PDE5A: variants seen among roughly 807,000 people sequenced by gnomAD.
PDE5A encodes phosphodiesterase 5A, also known as cGMP-specific 3',5'-cyclic phosphodiesterase.
In PDE5A, 67 loss-of-function variants were observed where a neutral mutation model predicts 110.2. The observed-to-expected ratio is 0.61, with a 90% CI of 0.50 to 0.75. PDE5A has a LOEUF of 0.75. PDE5A is among the 30% of genes least tolerant of loss of function. PDE5A has a pLI of 0.00. For synonymous variants in PDE5A, 328 were observed against 351.2 expected, an observed-to-expected ratio of 0.93 and a Z score of 0.74; for missense variants, 862 against 1,045.1, an observed-to-expected ratio of 0.82 and a Z score of 2.42.
chr4:119,562,739 G>T, intron 6 of PDE5A, 94 bp downstream of exon 6: 1 of 1,024,748 alleles, frequency 9.8e-7, no homozygotes, highest in South Asian at 2.1e-5. Flanking sequence ...GTTTGAGAGA[G>T]GGTTCTAAGA....
At chr4:119,588,353 T>C (rs1560629319) in intron 3 of PDE5A, among the ~76,000 whole-genome samples, 1 of 151,930 alleles carries the variant, frequency 6.6e-6, no homozygotes, top group Non-Finnish European at 1.5e-5. Context: ...AATTTTTGTA[T>C]TTTTCGTAGA....
intron 11 of PDE5A, among the ~76,000 whole-genome samples, chr4:119,535,516 C>T (rs965114826): frequency 6.6e-6 from 1 of 152,092 alleles, no homozygotes; most frequent in Non-Finnish European, 1.5e-5. Flanking sequence ...TAAATAAGCA[C>T]TTATTATATT....
chr4:119,593,721 AATTAT>A (rs535194241), intron 3 of PDE5A, among the ~76,000 whole-genome samples: 2 of 152,306 alleles, frequency 1.3e-5, no homozygotes, highest in East Asian at 1.9e-4. Flanking sequence ...AAGCTGGGTA[AATTAT>A]ATTATATGTG....
chr4:119,503,851 T>TATGTC (rs561180382), intron 18 of PDE5A, among the ~76,000 whole-genome samples: 181 of 152,300 alleles, frequency 1.2e-3, no homozygotes, highest in Middle Eastern at 6.8e-3. Context: ...AAAGCCTTTG[T>TATGTC]ATGTCCAATT....
chr4:119,510,227 C>G (rs1725690593), intron 15 of PDE5A, among the ~76,000 whole-genome samples: 1 of 151,960 alleles, frequency 6.6e-6, no homozygotes, highest in African/African-American at 2.4e-5. Flanking sequence ...CCTAAAGTAA[C>G]TAGAGGGCTT....
At chr4:119,515,290 C>T (rs938076361) in intron 14 of PDE5A, among the ~76,000 whole-genome samples, 1 of 152,148 alleles carries the variant, frequency 6.6e-6, no homozygotes, top group African/African-American at 2.4e-5. Context: ...CCTTTTAAGT[C>T]TCTCACATCC....
intron 11 of PDE5A, among the ~76,000 whole-genome samples, chr4:119,527,624 A>C (rs1242303874): frequency 1.3e-5 from 2 of 152,198 alleles, no homozygotes; most frequent in African/African-American, 4.8e-5. Context: ...AGCAGGGAAT[A>C]AAGTATGTGG....
At chr4:119,625,453 T>C (rs536726500) in intron 1 of PDE5A, among the ~76,000 whole-genome samples, 5 of 152,306 alleles carry the variant, frequency 3.3e-5, no homozygotes, top group South Asian at 4.1e-4. Context: ...ATAACTACCA[T>C]TGAGTGTAGA....
intron 13 of PDE5A, chr4:119,519,528 G>T (rs1470945845): frequency 9.8e-5 from 16 of 163,192 alleles, no homozygotes; most frequent in Non-Finnish European, 1.8e-4. Context: ...GTGTCCTTAA[G>T]GAATGCAGAC....
At chr4:119,590,266 G>C (rs1177296666) in intron 3 of PDE5A, among the ~76,000 whole-genome samples, 1 of 152,134 alleles carries the variant, frequency 6.6e-6, no homozygotes, top group Non-Finnish European at 1.5e-5. Flanking sequence ...GTTTTCACAA[G>C]ATTTGCTTAA....
In PDE5A at chr4:119,551,353, C is replaced by T. The variant is rs577817828; in HGVS notation, c.1396+1197G>A. ...GAATAATGCATTCTCTTCCCATGAG[C>T]TAACCTACACTGGAAAAGAAAGTAA... is the stretch of plus-strand genomic sequence containing the variant. On this transcript the variant is annotated intron_variant, in intron 9 of 20. Transcript: ENST00000354960. Among the ~76,000 whole-genome samples the T allele has an allele frequency of 2.0e-5, 3 of 152,288 alleles. No homozygotes were observed. In the South Asian group the frequency reaches 6.2e-4, roughly 32 times the overall value.
At chr4:119,565,431 A>C (rs780898438) in intron 4 of PDE5A, 21 bp from the exon 5 acceptor site, 4 of 1,531,776 alleles carry the variant, frequency 2.6e-6, no homozygotes, top group Non-Finnish European at 2.7e-6. Flanking sequence ...GATAATAGAC[A>C]AATAAAAACG....
Position 119,574,855 on chromosome 4 carries a change from G to C in PDE5A, c.832-7711C>G, listed in dbSNP as rs138701948. 6.8e-3 allele frequency among the ~76,000 whole-genome samples: 1,040 copies of C among 152,306 alleles called. 6 individuals are homozygous for C. Among genetic ancestry groups the C allele is most frequent in the Non-Finnish European group, 0.011 (760 of 68,034 alleles). ...ATTTGTGGTTATAGATATCAGAACA[G>C]TGTTGCCCATGGGTGGTGAGGACTG... On this transcript the variant is annotated intron_variant, in intron 3 of 20. Coordinates refer to ENST00000354960, the MANE Select transcript of PDE5A (RefSeq NM_001083.4).
chr4:119,508,771 CTT>C (rs959039940), intron 15 of PDE5A, among the ~76,000 whole-genome samples: 1 of 151,860 alleles, frequency 6.6e-6, no homozygotes, highest in African/African-American at 2.4e-5. Flanking sequence ...GATGAAATGT[CTT>C]TTGGTGCTAT....
intron 8 of PDE5A, among the ~76,000 whole-genome samples, chr4:119,553,223 G>T (rs555290119): frequency 1.1e-4 from 17 of 151,968 alleles, no homozygotes; most frequent in Non-Finnish European, 1.9e-4. Context: ...GTAGCTTTGA[G>T]GTCAAGAAAA....
At position 119,562,928 on chromosome 4, in the gene PDE5A, A is replaced by T. The variant is rs1256047338; in HGVS notation, c.1036T>A (p.Ser346Thr). ...ATTTTCTTCAAAATTACTTCTAATGATTGTTGTTCTTCAAAAATTAAACTA... is the reference window on the plus strand; with the variant it reads ...ATTTTCTTCAAAATTACTTCTAATGTTTGTTGTTCTTCAAAAATTAAACTA... ...LASLIFEEQQSLEVILKKIAA... is the reference protein window; with the variant it reads ...LASLIFEEQQTLEVILKKIAA... Residue 346 changes from serine (S) to threonine (T), a missense_variant, in exon 6 of 21, where the codon TCA (serine) becomes ACA (threonine). Transcript: ENST00000354960. 1.9e-6 allele frequency: 3 copies of T among 1,601,822 alleles called. No individual in the cohort carries two copies. The highest frequency in any genetic ancestry group is 1.7e-4 in the Middle Eastern group (1 of 5,992).
Position 119,497,969 on chromosome 4 carries a change from G to C in PDE5A, c.*632C>G, listed in dbSNP as rs201284966. The stretch of plus-strand genomic sequence containing the variant: ...AAATGTACTGCACTGAAGTGACAAA[G>C]TTCTGTCTTGCCTGTTCTCTCACAA... On this transcript the variant is annotated 3_prime_UTR_variant, in exon 21 of 21. Coordinates refer to ENST00000354960, the MANE Select transcript of PDE5A (RefSeq NM_001083.4). 2.0e-5 allele frequency: 3 copies of C among 152,144 alleles called. No individual in the cohort carries two copies. 9.4% of individuals were successfully genotyped at this position (152,144 alleles called of 1,614,324 possible).
chr4:119,591,353 T>C (rs6842674), intron 3 of PDE5A, among the ~76,000 whole-genome samples: 117,979 of 152,154 alleles, frequency 0.78, 45,907 homozygotes, highest in East Asian at 0.89. Context: ...CCCTTTAAGG[T>C]AGATCCTTTT....
intron 15 of PDE5A, among the ~76,000 whole-genome samples, chr4:119,508,120 T>C (rs17007576): frequency 0.023 from 3,430 of 152,052 alleles, 134 homozygotes; most frequent in African/African-American, 0.078. Context: ...ATAAATCCAG[T>C]AACATTTCTG....
Sources: gnomAD v4.1 joint callset for allele counts (sites outside exome capture counted in the v4.1 genomes callset) on GRCh38, gnomAD v4.1.1 for gene constraint, MANE v1.5 for transcripts, NCBI Gene and HGNC (gene_info 2026-07-23, HGNC 2026-07-21) for gene names.